PPEF1: variants seen among roughly 807,000 people sequenced by gnomAD.
PPEF1 encodes serine/threonine-protein phosphatase with EF-hands 1.
PPEF1 carries 12 observed loss-of-function variants against 53.3 expected under a neutral mutation model. The observed-to-expected ratio is 0.23, with a 90% CI of 0.14 to 0.36. The LOEUF (loss-of-function observed/expected upper bound fraction) is 0.36, where lower values mean the gene tolerates loss of function less well. Among genes scored for constraint, PPEF1 ranks in the 10% least tolerant of loss-of-function variants. PPEF1 has a pLI of 1.00. For missense variants in PPEF1, 334 were observed against 490.4 expected (o/e 0.68, Z 3.01); for synonymous variants, 165 against 176.7 (o/e 0.93, Z 0.52).
At chrX:18,727,262 G>A (rs945031158) in intron 1 of PPEF1, among the ~76,000 whole-genome samples, 8 of 111,125 alleles carry the variant, frequency 7.2e-5, no homozygotes, top group Non-Finnish European at 1.1e-4. Context: ...CTAGGAAGTG[G>A]CACTGGAAAG....
At chrX:18,678,128 CAAA>C (rs57502489), upstream of PPEF1, among the ~76,000 whole-genome samples, 3 of 33,744 alleles carry the variant, frequency 8.9e-5, no homozygotes, top group Non-Finnish European at 1.5e-4. Context: ...GAGAACCTGG[CAAA>C]AAAAAAAAAA....
intron 5 of PPEF1, among the ~76,000 whole-genome samples, chrX:18,758,191 G>T (rs2045586741): frequency 8.9e-6 from 1 of 111,792 alleles, no homozygotes; most frequent in Admixed American, 9.5e-5. Context: ...GCTTTTAGAA[G>T]AGTGGGAATG....
chrX:18,815,298 T>C (rs1212782448), intron 12 of PPEF1, among the ~76,000 whole-genome samples: 5 of 110,286 alleles, frequency 4.5e-5, no homozygotes. Flanking sequence ...GAGATACTGG[T>C]CTGTAGTTTT....
At chrX:18,745,145 TATTATATATTATAATA>T (rs1569254516) in intron 3 of PPEF1, among the ~76,000 whole-genome samples, 11 of 95,409 alleles carry the variant, frequency 1.2e-4, no homozygotes, top group Non-Finnish European at 2.2e-4. Context: ...ATATTATATA[TATTATATATTATAATA>T]TAATTATATA....
chrX:18,810,056 A>G (rs980605707), intron 12 of PPEF1, among the ~76,000 whole-genome samples: 1 of 97,928 alleles, frequency 1.0e-5, no homozygotes, highest in Non-Finnish European at 2.0e-5. Context: ...TTTTATGTCA[A>G]TAAAGCTGGA....
At chrX:18,726,813 C>T (rs2044719097) in intron 1 of PPEF1, among the ~76,000 whole-genome samples, 1 of 110,092 alleles carries the variant, frequency 9.1e-6, no homozygotes, top group South Asian at 4.0e-4. Flanking sequence ...AAGCGTGTAC[C>T]ACCGTGCCCA....
rs1054540127 is a variant in PPEF1 at position 18,787,138 on chromosome X, T to A, written c.913-1983T>A. Among the ~76,000 whole-genome samples, 41 of 112,078 alleles carry A rather than the reference T, an allele frequency of 3.7e-4. 1 individual carries two copies. The highest frequency in any genetic ancestry group is 6.9e-4 in the Non-Finnish European group (37 of 53,244). ...TAGTGAAAATGATAGGTTCAACCAT[T>A]TGGAACTCTATCAGATGAGACATAA... On this transcript the variant is annotated intron_variant, in intron 9 of 15. Coordinates refer to ENST00000470157, the MANE Select transcript of PPEF1 (RefSeq NM_001377996.1).
chrX:18,801,025 C>T (rs764943988), intron 10 of PPEF1, among the ~76,000 whole-genome samples: 2 of 112,075 alleles, frequency 1.8e-5, no homozygotes, highest in Non-Finnish European at 3.8e-5. Context: ...CTAAACATGA[C>T]ATCATGGTGT....
intron 1 of PPEF1, among the ~76,000 whole-genome samples, chrX:18,683,201 G>A (rs144580009): frequency 9.9e-5 from 11 of 111,528 alleles, no homozygotes; most frequent in African/African-American, 2.0e-4. Flanking sequence ...CAGCCAAACC[G>A]TATCACCTGG....
chrX:18,821,561 A>G (rs1202328290), intron 13 of PPEF1, among the ~76,000 whole-genome samples: 1 of 110,181 alleles, frequency 9.1e-6, no homozygotes, highest in Admixed American at 9.8e-5. Context: ...GGCATATGCC[A>G]CCACGCCCAG....
chrX:18,713,420 C>CTT (rs55997147), intron 1 of PPEF1, among the ~76,000 whole-genome samples: 5 of 77,498 alleles, frequency 6.5e-5, no homozygotes, highest in South Asian at 8.0e-4. Context: ...CCTTAAAATT[C>CTT]TTTTTTTTTT....
chrX:18,795,639 A>G (rs1342637356), intron 10 of PPEF1, among the ~76,000 whole-genome samples: 1 of 111,581 alleles, frequency 9.0e-6, no homozygotes. Flanking sequence ...CGTTTTTCTA[A>G]ATTTCCAGTC....
At chrX:18,699,330 G>C (rs985619146) in intron 5 of PPEF1, among the ~76,000 whole-genome samples, 43 of 111,410 alleles carry the variant, frequency 3.9e-4, no homozygotes, top group African/African-American at 1.3e-3. Context: ...ATCTCCCGTG[G>C]CTCTCAATTG....
intron 8 of PPEF1, 145 bp from the exon 9 acceptor site, chrX:18,783,754 G>T (rs1264132269): frequency 1.9e-5 from 10 of 526,808 alleles, no homozygotes; most frequent in Non-Finnish European, 2.5e-5. Context: ...AAAAAGACAT[G>T]ATGAATACAT....
chrX:18,740,362 A>T (rs1281165403), intron 3 of PPEF1, among the ~76,000 whole-genome samples: 1 of 110,825 alleles, frequency 9.0e-6, no homozygotes, highest in Non-Finnish European at 1.9e-5. Flanking sequence ...GAAAATGGCA[A>T]ATTAAACACA....
At chrX:18,759,367 G>C (rs1160889410) in intron 5 of PPEF1, among the ~76,000 whole-genome samples, 5 of 111,608 alleles carry the variant, frequency 4.5e-5, no homozygotes, top group Non-Finnish European at 9.4e-5. Flanking sequence ...GTTAGGAAAG[G>C]GGGAGAGATT....
At chrX:18,761,701 G>T in intron 6 of PPEF1, 125 bp downstream of exon 6, 2 of 455,316 alleles carry the variant, frequency 4.4e-6, no homozygotes, top group South Asian at 5.0e-5. Flanking sequence ...TTTTTAACCA[G>T]GAGGCTCAAA....
At chrX:18,741,772 C>CT (rs58971135) in intron 3 of PPEF1, among the ~76,000 whole-genome samples, 881 of 66,287 alleles carry the variant, frequency 0.013, 11 homozygotes, top group African/African-American at 0.029. Context: ...GCTGCTGCTT[C>CT]TTTTTTTTTT....
chrX:18,818,381 T>G (rs1418176584), intron 13 of PPEF1, among the ~76,000 whole-genome samples: 3 of 107,726 alleles, frequency 2.8e-5, no homozygotes, highest in African/African-American at 1.0e-4. Flanking sequence ...TTTTTTTTTT[T>G]TTTTTTTGAG....
Sources: gnomAD v4.1 joint callset for allele counts (sites outside exome capture counted in the v4.1 genomes callset) on GRCh38, gnomAD v4.1.1 for gene constraint, MANE v1.5 for transcripts, NCBI Gene and HGNC (gene_info 2026-07-23, HGNC 2026-07-21) for gene names.